The following AGBL4 variants were observed in gnomAD, a reference collection of about 807,000 sequenced individuals.
The protein encoded by AGBL4 is cytosolic carboxypeptidase 6.
AGBL4 carries 58 observed loss-of-function variants against 66.4 expected under a neutral mutation model. That is an observed-to-expected ratio of 0.87 (90% CI 0.71 to 1.09). AGBL4 has a LOEUF of 1.09. AGBL4 is among the 50% of genes least tolerant of loss of function. AGBL4 has a pLI of 0.00. For synonymous variants in AGBL4, 234 were observed against 222.9 expected (o/e 1.05, Z -0.44); for missense variants, 579 against 631.0 (o/e 0.92, Z 0.88).
intron 4 of AGBL4, among the ~76,000 whole-genome samples, chr1:49,148,763 G>A (rs564744585): frequency 1.9e-4 from 29 of 152,224 alleles, no homozygotes; most frequent in African/African-American, 6.5e-4. Context: ...TCATTCTCAG[G>A]GTGTTCGCAA....
intron 3 of AGBL4, among the ~76,000 whole-genome samples, chr1:49,552,419 C>T (rs1431508619): frequency 2.6e-5 from 4 of 152,200 alleles, no homozygotes; most frequent in Non-Finnish European, 5.9e-5. Flanking sequence ...CCTGATGAGT[C>T]CCTGTGGTGC....
At chr1:49,181,536 T>C (rs1257318747) in intron 4 of AGBL4, among the ~76,000 whole-genome samples, 1 of 152,166 alleles carries the variant, frequency 6.6e-6, no homozygotes, top group Non-Finnish European at 1.5e-5. Context: ...AGTTACCTCA[T>C]CTATAAAATA....
At chr1:49,274,993 A>T (rs1352155066) in intron 3 of AGBL4, among the ~76,000 whole-genome samples, 1 of 152,232 alleles carries the variant, frequency 6.6e-6, no homozygotes, top group Non-Finnish European at 1.5e-5. Context: ...TCTTTCTCAC[A>T]TAATTTCTCC....
At chr1:48,618,722 A>G (rs1420642107) in intron 9 of AGBL4, among the ~76,000 whole-genome samples, 49 of 152,214 alleles carry the variant, frequency 3.2e-4, no homozygotes, top group Admixed American at 3.2e-3. Flanking sequence ...TGCCTGTGTT[A>G]GTATTAGCCA....
intron 2 of AGBL4, among the ~76,000 whole-genome samples, chr1:49,757,516 G>A (rs1651980726): frequency 6.6e-6 from 1 of 152,280 alleles, no homozygotes; most frequent in East Asian, 1.9e-4. Flanking sequence ...TAAGAAGTGG[G>A]AAAGTTTGGA....
chr1:49,859,420 G>A (rs1224455159), intron 1 of AGBL4, among the ~76,000 whole-genome samples: 1 of 152,120 alleles, frequency 6.6e-6, no homozygotes, highest in Admixed American at 6.5e-5. Context: ...TGCAAGATCA[G>A]TTCAACATTC....
chr1:49,336,624 T>G (rs1645442420), intron 3 of AGBL4, among the ~76,000 whole-genome samples: 1 of 152,234 alleles, frequency 6.6e-6, no homozygotes, highest in Non-Finnish European at 1.5e-5. Context: ...TGAGTCTTTC[T>G]TAAGATTTGA....
At chr1:48,558,144 C>T (rs555996932) in intron 11 of AGBL4, among the ~76,000 whole-genome samples, 2 of 152,118 alleles carry the variant, frequency 1.3e-5, no homozygotes, top group East Asian at 1.9e-4. Flanking sequence ...TGAAAGCACC[C>T]GTATGGAGTT....
At chr1:49,369,866 T>C (rs2148550417) in intron 3 of AGBL4, among the ~76,000 whole-genome samples, 1 of 151,970 alleles carries the variant, frequency 6.6e-6, no homozygotes, top group African/African-American at 2.4e-5. Flanking sequence ...GAACTTTAGA[T>C]AAAGCTCACG....
intron 3 of AGBL4, among the ~76,000 whole-genome samples, chr1:49,582,358 C>T (rs867831961): frequency 6.6e-6 from 1 of 152,156 alleles, no homozygotes; most frequent in African/African-American, 2.4e-5. Context: ...CCAGCTGTCA[C>T]AGCCTTGGCC....
chr1:49,253,110 G>A lies in AGBL4; in HGVS notation c.283-7246C>T, dbSNP rs943196106. 3.3e-5 allele frequency among the ~76,000 whole-genome samples: 5 copies of A among 152,110 alleles called. No individual in the cohort carries two copies. In the South Asian group the frequency reaches 6.2e-4, roughly 19 times the overall value. On this transcript the variant is annotated intron_variant, in intron 3 of 13. Transcript: ENST00000371839. Reference sequence around the variant, plus strand: ...AAGCCCCAATTAAAAGACTCAGAGTGGAAGCTGGATAAAGAACCAAAACCC... The same window carrying A: ...AAGCCCCAATTAAAAGACTCAGAGTAGAAGCTGGATAAAGAACCAAAACCC...
At position 48,592,004 on chromosome 1, in the gene AGBL4, G is replaced by T. The variant is rs117167187; in HGVS notation, c.952-1019C>A. ...TGTAATGGACTGACTGAAACAGAGG[G>T]TGTCAGGGGTGGGGTGATTTTTAGA... On this transcript the variant is annotated intron_variant, in intron 9 of 13. Transcript: ENST00000371839. 7.2e-5 allele frequency among the ~76,000 whole-genome samples: 11 copies of T among 152,320 alleles called. No homozygotes were observed. In the East Asian group the frequency reaches 2.1e-3, roughly 29 times the overall value.
At chr1:49,813,142 C>A (rs1296237965) in intron 2 of AGBL4, among the ~76,000 whole-genome samples, 1 of 152,114 alleles carries the variant, frequency 6.6e-6, no homozygotes, top group Non-Finnish European at 1.5e-5. Context: ...CAGCCCATAA[C>A]CACTGTGCCA....
intron 8 of AGBL4, among the ~76,000 whole-genome samples, chr1:48,646,106 A>T (rs1645831061): frequency 2.0e-5 from 3 of 152,194 alleles, no homozygotes; most frequent in Non-Finnish European, 4.4e-5. Flanking sequence ...TCTCACAGTC[A>T]GAGGTGGCAT....
At chr1:48,928,588 A>G (rs758545831) in intron 5 of AGBL4, among the ~76,000 whole-genome samples, 1 of 152,084 alleles carries the variant, frequency 6.6e-6, no homozygotes, top group South Asian at 2.1e-4. Context: ...GTGGAGAAGC[A>G]GGGGAGGACT....
intron 4 of AGBL4, among the ~76,000 whole-genome samples, chr1:49,235,013 C>T (rs1447146975): frequency 1.3e-5 from 2 of 152,130 alleles, no homozygotes; most frequent in Non-Finnish European, 2.9e-5. Flanking sequence ...CATTTTGTGA[C>T]AATAAACTAT....
intron 6 of AGBL4, chr1:48,776,970 C>A (rs1005925309): frequency 6.7e-6 from 3 of 448,498 alleles, no homozygotes; most frequent in Admixed American, 4.8e-5. Context: ...AGGCTCCCCC[C>A]ACTGTTATTG....
At chr1:49,972,576 G>A (rs1658221196) in intron 1 of AGBL4, among the ~76,000 whole-genome samples, 1 of 152,158 alleles carries the variant, frequency 6.6e-6, no homozygotes, top group African/African-American at 2.4e-5. Flanking sequence ...AGGCCTAGGA[G>A]CTCGAGAGCA....
chr1:49,039,145 G>T (rs536828065), intron 5 of AGBL4, among the ~76,000 whole-genome samples: 1 of 152,190 alleles, frequency 6.6e-6, no homozygotes, highest in South Asian at 2.1e-4. Context: ...ACAAAACTAT[G>T]GGGACATTAA....
Sources: allele counts gnomAD v4.1 joint callset (sites outside exome capture counted in the v4.1 genomes callset), GRCh38; gene constraint gnomAD v4.1.1; transcripts MANE v1.5; gene names NCBI Gene and HGNC (gene_info 2026-07-23, HGNC 2026-07-21).